Variants in SYT1 observed in about 807,000 individuals in gnomAD.
The protein encoded by SYT1 is synaptotagmin 1.
A neutral mutation model predicts 44.8 loss-of-function variants in SYT1; 8 were observed. The observed-to-expected ratio is 0.18, with a 90% CI of 0.10 to 0.32. The LOEUF is 0.32. SYT1 is among the 10% of genes least tolerant of loss of function. SYT1 has a pLI of 1.00. For missense variants in SYT1, 286 were observed against 509.3 expected, an observed-to-expected ratio of 0.56 and a Z score of 4.22; for synonymous variants, 154 against 188.8, an observed-to-expected ratio of 0.82 and a Z score of 1.51.
intron 4 of SYT1, among the ~76,000 whole-genome samples, chr12:79,256,303 T>C (rs1005356171): frequency 2.0e-5 from 3 of 152,238 alleles, no homozygotes; most frequent in African/African-American, 7.2e-5. Flanking sequence ...CCTCTGAATA[T>C]TGCAATGCAA....
intron 9 of SYT1, among the ~76,000 whole-genome samples, chr12:79,380,618 C>T (rs1472415371): frequency 6.6e-6 from 1 of 152,158 alleles, no homozygotes. Context: ...AAACTCCTGG[C>T]CTCAAGCAAT....
At position 79,184,416 on chromosome 12, in the gene SYT1, AAT is replaced by A; in HGVS notation, c.-17-33084_-17-33083del. 2.6e-5 allele frequency among the ~76,000 whole-genome samples: 4 copies of A among 152,160 alleles called. 1 individual carries two copies. The highest frequency in any genetic ancestry group is 2.6e-4 in the Admixed American group (4 of 15,242). On this transcript the variant is annotated intron_variant, in intron 3 of 10. Coordinates refer to ENST00000261205, the MANE Select transcript of SYT1 (RefSeq NM_005639.3). ...TAACCTTTCAAGGGCTCAATTTGGT[AAT>A]ATGTTAAATAAATAAATTGAGCTAG...
intron 3 of SYT1, among the ~76,000 whole-genome samples, chr12:79,084,116 TA>T (rs1003331206): frequency 6.6e-6 from 1 of 152,136 alleles, no homozygotes; most frequent in Non-Finnish European, 1.5e-5. Flanking sequence ...GTGAATTTTT[TA>T]AAAGAGTTAT....
intron 3 of SYT1, among the ~76,000 whole-genome samples, chr12:79,113,947 G>A (rs1008335455): frequency 5.3e-5 from 8 of 152,002 alleles, no homozygotes; most frequent in African/African-American, 1.2e-4. Context: ...GCCTCCATCC[G>A]TTCATTCAAC....
intron 3 of SYT1, among the ~76,000 whole-genome samples, chr12:79,183,716 A>G (rs1872662848): frequency 6.6e-6 from 1 of 152,004 alleles, no homozygotes; most frequent in Admixed American, 6.6e-5. Context: ...TTCCATGGGT[A>G]AACAGAGAAT....
chr12:79,300,143 T>TAGCCC (rs1880064891), intron 8 of SYT1, among the ~76,000 whole-genome samples: 1 of 152,172 alleles, frequency 6.6e-6, no homozygotes, highest in African/African-American at 2.4e-5. Flanking sequence ...TTTAATAGTT[T>TAGCCC]AGCCCAGTAT....
intron 3 of SYT1, among the ~76,000 whole-genome samples, chr12:79,202,110 A>G: frequency 6.6e-6 from 1 of 152,190 alleles, no homozygotes. Flanking sequence ...TAGTAGTTAC[A>G]GATCATGCTC....
intron 3 of SYT1, among the ~76,000 whole-genome samples, chr12:79,054,261 G>T (rs1239187621): frequency 6.6e-6 from 1 of 151,962 alleles, no homozygotes; most frequent in African/African-American, 2.4e-5. Context: ...CTATATGAAT[G>T]TCTATGCAAA....
At chr12:79,091,494 C>T (rs1274349872) in intron 3 of SYT1, among the ~76,000 whole-genome samples, 1 of 151,954 alleles carries the variant, frequency 6.6e-6, no homozygotes, top group Non-Finnish European at 1.5e-5. Flanking sequence ...AAAACATCTT[C>T]AGTTGAAGTG....
chr12:79,193,642 C>T (rs1246945085), intron 3 of SYT1, among the ~76,000 whole-genome samples: 1 of 149,820 alleles, frequency 6.7e-6, no homozygotes, highest in African/African-American at 2.5e-5. Flanking sequence ...GCAAAAGAAT[C>T]GTTCATGCCC....
At chr12:79,298,515 T>C (rs529133792) in intron 7 of SYT1, among the ~76,000 whole-genome samples, 36 of 152,254 alleles carry the variant, frequency 2.4e-4, no homozygotes, top group African/African-American at 8.7e-4. Flanking sequence ...TAATAGGAAG[T>C]GTATGAAAAT....
chr12:79,174,439 G>A (rs2138365924), intron 3 of SYT1, among the ~76,000 whole-genome samples: 1 of 152,106 alleles, frequency 6.6e-6, no homozygotes, highest in East Asian at 1.9e-4. Context: ...AGGCATCAGG[G>A]AGAAATCGGG....
At chr12:79,392,429 T>C (rs971354866) in intron 9 of SYT1, 4 of 152,076 alleles carry the variant, frequency 2.6e-5, no homozygotes, top group Non-Finnish European at 5.9e-5. Flanking sequence ...ATAATACAGA[T>C]TGTAGATGCA....
intron 3 of SYT1, among the ~76,000 whole-genome samples, chr12:79,139,332 C>T (rs1869408125): frequency 6.6e-6 from 1 of 152,266 alleles, no homozygotes; most frequent in Non-Finnish European, 1.5e-5. Context: ...TCTGAACTCA[C>T]CATGCTTGAA....
chr12:79,378,156 A>C lies in SYT1; in HGVS notation c.928+24537A>C, dbSNP rs1482796578. Among the ~76,000 whole-genome samples the C allele has an allele frequency of 2.0e-5, 3 of 152,214 alleles. No individual in the cohort carries two copies. The East Asian group carries it at 5.8e-4, about 29-fold the overall frequency. ...TTTTAATTCACTTGCTAGATTATCA[A>C]ATTCAAATTCTCTTCTATTAGAAAT... is the stretch of plus-strand genomic sequence containing the variant. On this transcript the variant is annotated intron_variant, in intron 9 of 10. Transcript: ENST00000261205.
At chr12:79,220,342 A>G (rs1274294995) in intron 4 of SYT1, among the ~76,000 whole-genome samples, 1 of 151,448 alleles carries the variant, frequency 6.6e-6, no homozygotes, top group Non-Finnish European at 1.5e-5. Context: ...AGGTTTGTCA[A>G]TTTTGTTTAA....
At chr12:79,287,278 A>G (rs905559957) in intron 5 of SYT1, among the ~76,000 whole-genome samples, 2 of 152,118 alleles carry the variant, frequency 1.3e-5, no homozygotes, top group African/African-American at 4.8e-5. Context: ...CAAGGGTTTG[A>G]TTTTTCTGGC....
At chr12:79,072,093 G>A (rs79061846) in intron 3 of SYT1, among the ~76,000 whole-genome samples, 1,697 of 152,072 alleles carry the variant, frequency 0.011, 25 homozygotes, top group African/African-American at 0.039. Context: ...ATACACAGCT[G>A]TCATTATTTC....
At chr12:78,959,458 T>C (rs571646741) in intron 1 of SYT1, among the ~76,000 whole-genome samples, 1 of 152,340 alleles carries the variant, frequency 6.6e-6, no homozygotes, top group African/African-American at 2.4e-5. Flanking sequence ...ATACTGATTT[T>C]ATTTTGCTTC....
Sources: gnomAD v4.1 joint callset for allele counts (sites outside exome capture counted in the v4.1 genomes callset) on GRCh38, gnomAD v4.1.1 for gene constraint, MANE v1.5 for transcripts, NCBI Gene and HGNC (gene_info 2026-07-23, HGNC 2026-07-21) for gene names.